The following TUT7 variants were observed in gnomAD, a reference collection of about 807,000 sequenced individuals.
TUT7 encodes the protein terminal uridylyltransferase 7.
A neutral mutation model predicts 165.9 loss-of-function variants in TUT7; 33 were observed. The observed-to-expected ratio is 0.20, with a 90% CI of 0.15 to 0.27. The LOEUF (loss-of-function observed/expected upper bound fraction) is 0.27, where lower values mean the gene tolerates loss of function less well. TUT7 is among the 10% of genes least tolerant of loss of function. The pLI is 1.00. For missense variants in TUT7, 1,338 were observed against 1,762.3 expected (o/e 0.76, Z 4.31); for synonymous variants, 552 against 608.1 (o/e 0.91, Z 1.36).
At chr9:86,319,917 C>T (rs1176522560) in intron 14 of TUT7, among the ~76,000 whole-genome samples, 3 of 152,174 alleles carry the variant, frequency 2.0e-5, no homozygotes, top group African/African-American at 7.2e-5. Context: ...ACTGCAACCT[C>T]TGCCTCCCAG....
rs1269451184 is a variant in TUT7 at position 86,328,449 on chromosome 9, T to C, written c.1499A>G (p.Gln500Arg). The change falls in exon 11 of 27, where the codon CAA becomes CGA. Residue 500 changes from glutamine (Q) to arginine (R), a missense_variant. Gln to Arg is a conservative substitution (Grantham distance 43). Transcript: ENST00000375963. ...GATCACAACATCTTTTTCAATGTCT[T>C]GAAGGTTGAAATTCCCTAGTTTGCT... is the stretch of plus-strand genomic sequence containing the variant. ...SLSKLGNFNL[Q>R]DIEKDVVIWE... 2 of 1,611,962 alleles carry C rather than the reference T, an allele frequency of 1.2e-6. No homozygotes were observed. Among genetic ancestry groups the C allele is most frequent in the South Asian group, 1.1e-5 (1 of 90,710 alleles).
chr9:86,342,723 G>A (rs1000225062), intron 6 of TUT7, among the ~76,000 whole-genome samples: 3 of 152,156 alleles, frequency 2.0e-5, no homozygotes, highest in Non-Finnish European at 2.9e-5. Flanking sequence ...TAAGCTTGCA[G>A]ATCATAAATG....
At chr9:86,310,640 G>A in intron 18 of TUT7, 66 bp downstream of exon 18, 2 of 843,484 alleles carry the variant, frequency 2.4e-6, no homozygotes, top group South Asian at 1.5e-5. Flanking sequence ...TTAACTTGAG[G>A]TTTTTGCAAG....
chr9:86,328,142 T>C (rs527886321), intron 11 of TUT7, among the ~76,000 whole-genome samples, 198 bp downstream of exon 11: 5 of 152,184 alleles, frequency 3.3e-5, no homozygotes, highest in Non-Finnish European at 7.4e-5. Flanking sequence ...AGAAACTACA[T>C]AAATAACTGT....
At chr9:86,316,808 G>A (rs2131393928) in intron 17 of TUT7, among the ~76,000 whole-genome samples, 1 of 151,928 alleles carries the variant, frequency 6.6e-6, no homozygotes, top group East Asian at 1.9e-4. Flanking sequence ...AAATACAATT[G>A]GCCTTTCATG....
chr9:86,312,377 A>C (rs1828216034), intron 17 of TUT7, among the ~76,000 whole-genome samples: 1 of 144,878 alleles, frequency 6.9e-6, no homozygotes, highest in Non-Finnish European at 1.5e-5. Flanking sequence ...GGAGCCCCTC[A>C]GCCCAGCAGC....
intron 10 of TUT7, among the ~76,000 whole-genome samples, chr9:86,334,692 G>A (rs1830615562): frequency 6.6e-6 from 1 of 152,122 alleles, no homozygotes; most frequent in Admixed American, 6.6e-5. Flanking sequence ...ACTGGTTCAG[G>A]AGTTGGGCAG....
At chr9:86,318,935 G>C (rs774293008) in intron 16 of TUT7, 23 bp downstream of exon 16, 4 of 1,574,102 alleles carry the variant, frequency 2.5e-6, no homozygotes, top group South Asian at 1.1e-5. Context: ...ACAGCAAATG[G>C]AAGTTTTATG....
chr9:86,301,589 C>T lies in TUT7; in HGVS notation c.4107G>A (p.Arg1369=). Residue 1369 remains arginine (R), a synonymous_variant, in exon 26 of 27, where the codon CGG becomes CGA. Coordinates refer to ENST00000375963, the MANE Select transcript of TUT7 (RefSeq NM_024617.4). ...DCPMRRKVRR[R]RDQEDALNQR... ...GGTTCAGGGCATCTTCCTGATCTCG[C>T]CGCCGTCTTACTCTGTAGAAGATAT... The T allele has an allele frequency of 6.2e-7, 1 of 1,613,192 alleles. No homozygotes were observed. The highest frequency in any genetic ancestry group is 8.5e-7 in the Non-Finnish European group (1 of 1,179,878).
chr9:86,309,979 G>A lies in TUT7; in HGVS notation c.3417C>T (p.Ala1139=), dbSNP rs1199462760. The A allele has an allele frequency of 3.7e-6, 6 of 1,613,844 alleles. No homozygotes were observed. Among genetic ancestry groups the A allele is most frequent in the Non-Finnish European group, 3.4e-6 (4 of 1,179,896 alleles). The change falls in exon 19 of 27, where the codon GCC becomes GCT. Residue 1139 remains alanine (A), a synonymous_variant. Transcript: ENST00000375963. ...ACAAATACTTCACTCTGGGATCAAT[G>A]GCGGAATAAGCAGATAAAAGCCTTG... The part of the protein sequence containing the change: ...HNTRLLSAYS[A]IDPRVKYLCY...
At chr9:86,334,696 T>C (rs1830616743) in intron 10 of TUT7, among the ~76,000 whole-genome samples, 1 of 152,164 alleles carries the variant, frequency 6.6e-6, no homozygotes, top group South Asian at 2.1e-4. Context: ...GTTCAGGAGT[T>C]GGGCAGAGAC....
intron 26 of TUT7, among the ~76,000 whole-genome samples, chr9:86,295,350 CT>C (rs1269376315): frequency 6.6e-6 from 1 of 152,034 alleles, no homozygotes. Context: ...TACAGCCCCC[CT>C]CCCCCAAGAA....
At chr9:86,350,520 C>T (rs1051607566) in intron 2 of TUT7, among the ~76,000 whole-genome samples, 4 of 152,190 alleles carry the variant, frequency 2.6e-5, no homozygotes, top group Non-Finnish European at 5.9e-5. Context: ...TCGGCTCCGC[C>T]GTCAGGATTT....
intron 26 of TUT7, among the ~76,000 whole-genome samples, chr9:86,289,108 G>A (rs760833151): frequency 5.3e-5 from 8 of 152,140 alleles, no homozygotes; most frequent in East Asian, 1.9e-4. Context: ...GAATTATCTG[G>A]CCAGAAATAA....
At chr9:86,308,885 G>A (rs1358899028) in intron 21 of TUT7, among the ~76,000 whole-genome samples, 5 of 152,268 alleles carry the variant, frequency 3.3e-5, no homozygotes, top group Admixed American at 6.5e-5. Flanking sequence ...TAATACGTAG[G>A]TTATTAGATC....
At chr9:86,293,104 T>A (rs1269493233) in intron 26 of TUT7, among the ~76,000 whole-genome samples, 1 of 152,162 alleles carries the variant, frequency 6.6e-6, no homozygotes, top group African/African-American at 2.4e-5. Flanking sequence ...GTTGGCTAGA[T>A]CACACTATTA....
In TUT7 at chr9:86,301,258, T is replaced by C. The variant is rs755870353; in HGVS notation, c.4420+18A>G. On this transcript the variant is annotated intron_variant, in intron 26 of 26. Transcript: ENST00000375963. ...TGAGATGTTAGAGCAAACATCAAGG[T>C]GTGATAGGTGTCCATACCTGAAGAG... 2 of 1,600,956 alleles carry C rather than the reference T, an allele frequency of 1.2e-6. No homozygotes were observed. Among genetic ancestry groups the C allele is most frequent in the South Asian group, 2.2e-5 (2 of 89,548 alleles).
At chr9:86,319,500 A>T (rs913064029) in intron 15 of TUT7, 84 bp downstream of exon 15, 6 of 957,752 alleles carry the variant, frequency 6.3e-6, no homozygotes, top group Non-Finnish European at 9.2e-6. Context: ...CCTGATTCTC[A>T]AAATCAGTGT....
chr9:86,310,657 C>T, intron 18 of TUT7, 49 bp downstream of exon 18: 2 of 996,382 alleles, frequency 2.0e-6, no homozygotes, highest in Non-Finnish European at 3.2e-6. Flanking sequence ...CAAGGTGAGA[C>T]ATTTGTTCCC....
Sources: allele counts gnomAD v4.1 joint callset (sites outside exome capture counted in the v4.1 genomes callset), GRCh38; gene constraint gnomAD v4.1.1; transcripts MANE v1.5; gene names NCBI Gene and HGNC (gene_info 2026-07-23, HGNC 2026-07-21).